The following EIF4E variants were observed in gnomAD, a reference collection of about 807,000 sequenced individuals.
EIF4E encodes eukaryotic translation initiation factor 4E, also known as eIF-4F 25 kDa subunit.
For missense variants in EIF4E, 113 were observed against 265.6 expected, an observed-to-expected ratio of 0.43 and a Z score of 3.99; for synonymous variants, 71 against 88.5, an observed-to-expected ratio of 0.80 and a Z score of 1.11.
At chr4:98,884,820 C>T (rs1723849075) in intron 6 of EIF4E, 102 bp downstream of exon 6, 8 of 1,462,646 alleles carry the variant, frequency 5.5e-6, no homozygotes, top group Non-Finnish European at 7.5e-6. Flanking sequence ...ACAAGGAAAA[C>T]AGGATCTACA....
intron 1 of EIF4E, among the ~76,000 whole-genome samples, chr4:98,914,860 G>T (rs141296822): frequency 0.014 from 2,172 of 152,252 alleles, 16 homozygotes; most frequent in Non-Finnish European, 0.02. Context: ...TGGGAAAGCT[G>T]TACCTGCACC....
At chr4:98,901,714 CAT>C (rs1306935277) in intron 2 of EIF4E, among the ~76,000 whole-genome samples, 160 bp downstream of exon 2, 1 of 152,216 alleles carries the variant, frequency 6.6e-6, no homozygotes, top group Non-Finnish European at 1.5e-5. Context: ...AAGACTCACA[CAT>C]AAAACTGTCT....
At chr4:98,912,947 C>T (rs1725216711) in intron 1 of EIF4E, among the ~76,000 whole-genome samples, 1 of 152,172 alleles carries the variant, frequency 6.6e-6, no homozygotes, top group African/African-American at 2.4e-5. Context: ...TGGCTCACGC[C>T]TGTAATCCCA....
chr4:98,912,684 A>G (rs1725205781), intron 1 of EIF4E, among the ~76,000 whole-genome samples: 1 of 152,210 alleles, frequency 6.6e-6, no homozygotes, highest in African/African-American at 2.4e-5. Flanking sequence ...CCAGTGCACA[A>G]AACTGTTGAC....
At chr4:98,911,349 A>G (rs904618995) in intron 1 of EIF4E, among the ~76,000 whole-genome samples, 2 of 142,952 alleles carry the variant, frequency 1.4e-5, no homozygotes, top group African/African-American at 5.0e-5. Context: ...CGCCCAGCAC[A>G]TTCTTAACTA....
rs1298553368 is a variant in EIF4E at position 98,880,389 on chromosome 4, T to C, written c.*639A>G. 1 of 97,154 alleles carries C rather than the reference T, an allele frequency of 1.0e-5. No homozygotes were observed. Among genetic ancestry groups the C allele is most frequent in the South Asian group, 4.0e-4 (1 of 2,470 alleles). The allele number at this position is 97,154 out of a possible 1,614,324, so 6.0% of individuals were successfully genotyped here. A position where few individuals can be genotyped will look rare whatever the true frequency, so the allele number is the denominator to read the frequency against. On this transcript the variant is annotated 3_prime_UTR_variant, in exon 7 of 7. Coordinates refer to ENST00000450253, the MANE Select transcript of EIF4E (RefSeq NM_001968.5). ...ATTACCAAAGAATGCACAAAATTAATGTTTATTCCACCTTTGTGTCATATT... is the reference window on the plus strand; with the variant it reads ...ATTACCAAAGAATGCACAAAATTAACGTTTATTCCACCTTTGTGTCATATT...
chr4:98,927,654 C>CAAAAAAAAAAAAAAAA, intron 1 of EIF4E, among the ~76,000 whole-genome samples: 1 of 35,050 alleles, frequency 2.9e-5, no homozygotes, highest in Non-Finnish European at 5.4e-5. Context: ...GACTCCATCT[C>CAAAAAAAAAAAAAAAA]AAAAAAAAAA....
At chr4:98,911,827 G>A (rs1393621427) in intron 1 of EIF4E, among the ~76,000 whole-genome samples, 1 of 150,750 alleles carries the variant, frequency 6.6e-6, no homozygotes, top group Non-Finnish European at 1.5e-5. Flanking sequence ...TTCAGTCTGG[G>A]TTTGGGGAGG....
intron 2 of EIF4E, among the ~76,000 whole-genome samples, chr4:98,900,165 T>C (rs1338919477): frequency 6.6e-6 from 1 of 150,764 alleles, no homozygotes; most frequent in Admixed American, 6.6e-5. Flanking sequence ...CTGAAAAAAA[T>C]GAAAAAAAAA....
chr4:98,928,900 AGT>A, intron 1 of EIF4E, 193 bp downstream of exon 1: 1 of 1,558,390 alleles, frequency 6.4e-7, no homozygotes, highest in Non-Finnish European at 8.7e-7. Flanking sequence ...CCCACCAGAA[AGT>A]GTGCGCTACA....
intron 1 of EIF4E, among the ~76,000 whole-genome samples, chr4:98,908,997 T>C (rs1431462123): frequency 1.3e-5 from 2 of 152,230 alleles, no homozygotes; most frequent in South Asian, 2.1e-4. Context: ...AAAGATTCTC[T>C]TTCTAGGCAA....
At chr4:98,905,190 T>C (rs1354906214) in intron 1 of EIF4E, among the ~76,000 whole-genome samples, 1 of 148,362 alleles carries the variant, frequency 6.7e-6, no homozygotes, top group East Asian at 2.0e-4. Context: ...TCACTGGAAA[T>C]TACATCCTAA....
rs190358403 is a variant in EIF4E at position 98,885,266 on chromosome 4, T to C, written c.400-205A>G. ...TTATTTACTATCAAATCAGCCTTTTTCAGCAAATTTGGCAGTTAATGTCAT... is the reference window on the plus strand; with the variant it reads ...TTATTTACTATCAAATCAGCCTTTTCCAGCAAATTTGGCAGTTAATGTCAT... On this transcript the variant is annotated intron_variant, in intron 5 of 6. Coordinates refer to ENST00000450253, the MANE Select transcript of EIF4E (RefSeq NM_001968.5). Among the ~76,000 whole-genome samples the C allele has an allele frequency of 7.0e-4, 107 of 152,356 alleles. 1 individual carries two copies. The highest frequency in any genetic ancestry group is 2.5e-3 in the African/African-American group (102 of 41,582).
intron 1 of EIF4E, among the ~76,000 whole-genome samples, chr4:98,923,818 G>A (rs997927377): frequency 6.6e-6 from 1 of 152,178 alleles, no homozygotes; most frequent in African/African-American, 2.4e-5. Context: ...GGATATACAT[G>A]AGTATAAAAC....
rs1320470386 is a variant in EIF4E at position 98,879,716 on chromosome 4, T to C, written c.*1312A>G. On this transcript the variant is annotated 3_prime_UTR_variant, in exon 7 of 7. Transcript: ENST00000450253. ...GAAACAACTCAATTCAGCAACCAAGTTTTACAACCACTGTTGCTACCAATC... is the reference window on the plus strand; with the variant it reads ...GAAACAACTCAATTCAGCAACCAAGCTTTACAACCACTGTTGCTACCAATC... 2.0e-5 allele frequency: 3 copies of C among 152,058 alleles called. No individual in the cohort carries two copies. Among genetic ancestry groups the C allele is most frequent in the Non-Finnish European group, 2.9e-5 (2 of 67,976 alleles). The allele number at this position is 152,058 out of a possible 1,614,324, so 9.4% of individuals were successfully genotyped here. A position where few individuals can be genotyped will look rare whatever the true frequency, so the allele number is the denominator to read the frequency against.
At chr4:98,928,740 GAGCCGGC>G (rs1184255312) in intron 1 of EIF4E, among the ~76,000 whole-genome samples, 1 of 152,126 alleles carries the variant, frequency 6.6e-6, no homozygotes, top group Non-Finnish European at 1.5e-5. Context: ...TACTCGCTGG[GAGCCGGC>G]CCTGCGCCTT....
chr4:98,881,090 G>C lies in EIF4E; in HGVS notation c.592C>G (p.Gln198Glu). Residue 198 changes from glutamine (Q) to glutamate (E), a missense_variant, in exon 7 of 7, where the codon CAG (glutamine) becomes GAG (glutamate). Transcript: ENST00000450253. ...GLPPKIVIGY[Q>E]SHADTATKSG... ...TTAGTAGCTGTGTCTGCGTGGGACT[G>C]ATAACCAATCACTATCTTTGGAGGA... 2 of 1,612,146 alleles carry C rather than the reference G, an allele frequency of 1.2e-6. No individual in the cohort carries two copies. The highest frequency in any genetic ancestry group is 2.2e-5 in the East Asian group (1 of 44,810).
intron 6 of EIF4E, among the ~76,000 whole-genome samples, chr4:98,883,390 C>CA (rs1560632463): frequency 4.0e-5 from 5 of 125,730 alleles, no homozygotes; most frequent in Admixed American, 9.8e-5. Context: ...AATTGTAAGT[C>CA]AAATTTTTTT....
In EIF4E at chr4:98,901,996, A is replaced by ATGTTT; in HGVS notation, c.19-15_19-14insAAACA. 1.3e-6 allele frequency: 2 copies of ATGTTT among 1,594,174 alleles called. No individual in the cohort carries two copies. The highest frequency in any genetic ancestry group is 1.7e-6 in the Non-Finnish European group (2 of 1,162,126). On this transcript the variant is annotated splice_polypyrimidine_tract_variant and intron_variant, in intron 1 of 6. Transcript: ENST00000450253. Reference sequence around the variant, plus strand: ...AGGGGTGGTTTCCTAGTGGAAAATAATATAAAACATTATTTTAAATGTCTT... The same window carrying ATGTTT: ...AGGGGTGGTTTCCTAGTGGAAAATAATGTTTTATAAAACATTATTTTAAATGTCTT...
Sources: allele counts gnomAD v4.1 joint callset (sites outside exome capture counted in the v4.1 genomes callset), GRCh38; gene constraint gnomAD v4.1.1; transcripts MANE v1.5; gene names NCBI Gene and HGNC (gene_info 2026-07-23, HGNC 2026-07-21).